Variants in ANKS1B observed in about 807,000 individuals in gnomAD.
ANKS1B encodes the protein ankyrin repeat and sterile alpha motif domain-containing protein 1B.
In ANKS1B, 36 loss-of-function variants were observed where a neutral mutation model predicts 148.3. The ratio of observed to expected loss-of-function variants is 0.24; its 90% confidence interval spans 0.19 to 0.32. The LOEUF (loss-of-function observed/expected upper bound fraction) is 0.32. ANKS1B is among the 10% of genes least tolerant of loss of function. ANKS1B has a pLI of 1.00. For synonymous variants in ANKS1B, 542 were observed against 560.8 expected (o/e 0.97, Z 0.47); for missense variants, 1,157 against 1,542.6 (o/e 0.75, Z 4.19).
At chr12:99,717,006 G>C (rs1247029358) in intron 8 of ANKS1B, among the ~76,000 whole-genome samples, 2 of 152,104 alleles carry the variant, frequency 1.3e-5, no homozygotes, top group Non-Finnish European at 2.9e-5. Context: ...AAGGTGGCTG[G>C]AGCTAAAGGC....
chr12:98,823,761 G>A (rs1467428835), intron 19 of ANKS1B, among the ~76,000 whole-genome samples: 3 of 152,238 alleles, frequency 2.0e-5, no homozygotes, highest in African/African-American at 7.2e-5. Context: ...CAAAGTGCTG[G>A]GATTACAGGC....
rs567186950 is a variant in ANKS1B, at chr12:99,676,113, C to T, written c.1129-20903G>A. ...ATGGTTTCATAAGGGGTTTTTCCCC[C>T]TTTGCTTGGCACTTCTCCTTCCTGC... On this transcript the variant is annotated intron_variant, in intron 8 of 26. Coordinates refer to ENST00000683438, the MANE Select transcript of ANKS1B (RefSeq NM_001352186.2). Among the ~76,000 whole-genome samples the T allele has an allele frequency of 2.6e-5, 4 of 152,190 alleles. 1 individual carries two copies. The highest frequency in any genetic ancestry group is 9.6e-5 in the African/African-American group (4 of 41,518).
At chr12:98,767,441 G>T (rs564325094) in intron 25 of ANKS1B, among the ~76,000 whole-genome samples, 106 of 147,092 alleles carry the variant, frequency 7.2e-4, no homozygotes, top group African/African-American at 2.5e-3. Context: ...CCTGCACCAC[G>T]TCTTCAACAT....
chr12:99,524,590 G>C (rs189019839), intron 9 of ANKS1B, among the ~76,000 whole-genome samples: 15 of 152,238 alleles, frequency 9.9e-5, no homozygotes, highest in Admixed American at 9.2e-4. Context: ...ATATGTATTA[G>C]TCTGTTTTCA....
intron 10 of ANKS1B, among the ~76,000 whole-genome samples, chr12:99,450,350 A>C (rs1425650414): frequency 2.0e-5 from 3 of 152,204 alleles, no homozygotes; most frequent in Admixed American, 2.0e-4. Context: ...TCACAGATAC[A>C]TCCCAAATAA....
intron 1 of ANKS1B, among the ~76,000 whole-genome samples, chr12:99,968,383 C>T (rs554849668): frequency 4.0e-5 from 6 of 151,894 alleles, no homozygotes; most frequent in Non-Finnish European, 8.8e-5. Context: ...AGTGAAATCC[C>T]GTCTCTACTA....
At chr12:98,772,688 A>G (rs2098603125) in intron 25 of ANKS1B, among the ~76,000 whole-genome samples, 1 of 152,072 alleles carries the variant, frequency 6.6e-6, no homozygotes, top group Non-Finnish European at 1.5e-5. Context: ...CCCATGACAC[A>G]TGGGAATTAT....
chr12:98,883,932 C>T (rs1301136241), intron 17 of ANKS1B, among the ~76,000 whole-genome samples: 1 of 151,978 alleles, frequency 6.6e-6, no homozygotes, highest in African/African-American at 2.4e-5. Context: ...AGCACATTAC[C>T]TCAAAATAAA....
At chr12:99,691,816 G>A (rs2098680682) in intron 8 of ANKS1B, among the ~76,000 whole-genome samples, 1 of 152,144 alleles carries the variant, frequency 6.6e-6, no homozygotes, top group South Asian at 2.1e-4. Flanking sequence ...TACCAATTTA[G>A]GACCCAGTTA....
intron 9 of ANKS1B, among the ~76,000 whole-genome samples, chr12:99,548,160 A>G (rs2097187756): frequency 6.6e-6 from 1 of 152,190 alleles, no homozygotes; most frequent in Non-Finnish European, 1.5e-5. Flanking sequence ...TGCCTTCCTA[A>G]AGGTAAGCCT....
chr12:99,474,068 A>C (rs755036355), intron 10 of ANKS1B, among the ~76,000 whole-genome samples: 3 of 152,062 alleles, frequency 2.0e-5, no homozygotes, highest in Non-Finnish European at 4.4e-5. Flanking sequence ...GTTAAGTTCT[A>C]CTTAGTATGA....
intron 9 of ANKS1B, among the ~76,000 whole-genome samples, chr12:99,556,579 T>C (rs985681446): frequency 6.6e-6 from 1 of 152,196 alleles, no homozygotes; most frequent in African/African-American, 2.4e-5. Context: ...TGTGGGCATT[T>C]AGTGCTATAA....
intron 25 of ANKS1B, among the ~76,000 whole-genome samples, chr12:98,753,131 G>T (rs540227661): frequency 2.0e-5 from 3 of 152,192 alleles, no homozygotes; most frequent in African/African-American, 7.2e-5. Flanking sequence ...GCCAAGCAGC[G>T]CCTGGGAGAA....
At chr12:98,780,938 G>T (rs2277393) in intron 24 of ANKS1B, among the ~76,000 whole-genome samples, 179 bp downstream of exon 24, 2 of 109,986 alleles carry the variant, frequency 1.8e-5, no homozygotes, top group Non-Finnish European at 3.4e-5. Flanking sequence ...TATGTATGAA[G>T]GTGTGTATGT....
At chr12:98,972,652 G>A (rs12314084) in intron 17 of ANKS1B, among the ~76,000 whole-genome samples, 27,538 of 152,134 alleles carry the variant, frequency 0.18, 2,673 homozygotes, top group African/African-American at 0.23. Context: ...TATTTTTAAA[G>A]TGGCATTCCA....
chr12:98,792,127 G>A (rs1225782639), intron 22 of ANKS1B, among the ~76,000 whole-genome samples: 2 of 152,176 alleles, frequency 1.3e-5, no homozygotes, highest in Non-Finnish European at 2.9e-5. Context: ...GATTCAATGA[G>A]AACTATGGGG....
chr12:99,903,886 A>G (rs368893909), intron 1 of ANKS1B, among the ~76,000 whole-genome samples: 1 of 152,170 alleles, frequency 6.6e-6, no homozygotes, highest in African/African-American at 2.4e-5. Context: ...TAACTTATAG[A>G]AAAATTAAAA....
intron 17 of ANKS1B, among the ~76,000 whole-genome samples, chr12:98,952,490 G>GCTC (rs1201007810): frequency 6.6e-6 from 1 of 152,136 alleles, no homozygotes; most frequent in African/African-American, 2.4e-5. Flanking sequence ...TGGCATGCAG[G>GCTC]CTCCTCTCTC....
At chr12:99,555,910 T>C (rs1028712412) in intron 9 of ANKS1B, among the ~76,000 whole-genome samples, 8 of 152,180 alleles carry the variant, frequency 5.3e-5, no homozygotes, top group African/African-American at 1.9e-4. Context: ...TTGTTGTATC[T>C]CTGCCAGGTT....
Sources: allele counts gnomAD v4.1 joint callset (sites outside exome capture counted in the v4.1 genomes callset), GRCh38; gene constraint gnomAD v4.1.1; transcripts MANE v1.5; gene names NCBI Gene and HGNC (gene_info 2026-07-23, HGNC 2026-07-21).